RTEL1: variants seen among roughly 807,000 people sequenced by gnomAD.
RTEL1 encodes the protein regulator of telomere length.
In RTEL1, 86 loss-of-function variants were observed where a neutral mutation model predicts 162.2. The observed-to-expected ratio is 0.53, with a 90% CI of 0.45 to 0.63. The LOEUF is 0.63. RTEL1 is among the 30% of genes least tolerant of loss of function. The pLI is 0.00. For missense variants in RTEL1, 1,941 were observed against 1,750.2 expected, an observed-to-expected ratio of 1.11 and a Z score of -1.95; for synonymous variants, 958 against 717.9, an observed-to-expected ratio of 1.33 and a Z score of -5.35.
At position 63,667,490 on chromosome 20, in the gene RTEL1, C is replaced by T; in HGVS notation, c.636C>T (p.Ser212=). Residue 212 remains serine (S), a synonymous_variant, in exon 8 of 35, where the codon TCC becomes TCT. Coordinates refer to ENST00000360203, the MANE Select transcript of RTEL1 (RefSeq NM_001283009.2). ...SKHRVCPYYL[S]RNLKQQADII... is the part of the protein sequence containing the mutation. ...CCAGGGTGTGCCCTTACTACCTGTC[C>T]CGGAACCTGAAGCAGCAAGCCGACA... 2 of 1,613,920 alleles carry T rather than the reference C, an allele frequency of 1.2e-6. No individual in the cohort carries two copies. The highest frequency in any genetic ancestry group is 1.7e-6 in the Non-Finnish European group (2 of 1,179,826).
At position 63,695,406 on chromosome 20, in the gene RTEL1, T is replaced by C; in HGVS notation, c.3578T>C (p.Val1193Ala). 2 of 1,559,356 alleles carry C rather than the reference T, an allele frequency of 1.3e-6. No homozygotes were observed. Among genetic ancestry groups the C allele is most frequent in the Non-Finnish European group, 1.7e-6 (2 of 1,151,896 alleles). The part of the protein sequence containing the change: ...SFLRQRPAGT[V>A]GAGGEDAGPS... ...CTTAGACAGAGGCCAGCAGGGACTG[T>C]GGGGGCGGGCGGTGAGGATGCAGGT... Residue 1193 changes from valine to alanine, a missense_variant, in exon 34 of 35, where the codon GTG (valine) becomes GCG (alanine). Transcript: ENST00000360203.
intron 28 of RTEL1, 86 bp from the exon 29 acceptor site, chr20:63,692,719 G>A (rs905315666): frequency 4.5e-5 from 59 of 1,321,302 alleles, no homozygotes; most frequent in South Asian, 6.2e-5. Context: ...CCCAGGGAAC[G>A]CTCAATGTTC....
intron 28 of RTEL1, chr20:63,692,166 T>C: frequency 3.7e-6 from 1 of 271,554 alleles, no homozygotes; most frequent in Non-Finnish European, 7.1e-6. Flanking sequence ...TAGCCTTGGA[T>C]CAAAGAACGG....
At chr20:63,667,840 A>G (rs2090166235) in intron 8 of RTEL1, among the ~76,000 whole-genome samples, 1 of 151,908 alleles carries the variant, frequency 6.6e-6, no homozygotes, top group Admixed American at 6.6e-5. Context: ...TGATCCTGAC[A>G]GCTCAGGTTC....
In RTEL1 at chr20:63,661,386, G is replaced by A. The variant is rs146544609; in HGVS notation, c.191G>A (p.Arg64Gln). The change falls in exon 3 of 35, where the codon CGA (arginine) becomes CAA (glutamine). Residue 64 changes from arginine to glutamine, a missense_variant. Transcript: ENST00000360203. This position sits in a 1 kb window ranked among gnomAD's most constrained non-coding sequence, Gnocchi z 5.1. Reference sequence around the variant, plus strand: ...ACGCTGGCCTGGCGAGAACACCTCCGAGACGGCATCTCTGCCCGCAAGATT... The same window carrying A: ...ACGCTGGCCTGGCGAGAACACCTCCAAGACGGCATCTCTGCCCGCAAGATT... ...CTTLAWREHL[R>Q]DGISARKIAE... The A allele has an allele frequency of 1.1e-5, 18 of 1,613,766 alleles. No individual in the cohort carries two copies. Among genetic ancestry groups the A allele is most frequent in the Middle Eastern group, 1.7e-4 (1 of 5,990 alleles).
intron 10 of RTEL1, among the ~76,000 whole-genome samples, chr20:63,674,993 C>T (rs1172321526): frequency 2.6e-5 from 4 of 151,964 alleles, no homozygotes; most frequent in African/African-American, 7.3e-5. Context: ...CTGCAACCTC[C>T]GCCTCCTGGG....
In RTEL1 at chr20:63,695,709, G is replaced by A. The variant is rs983640091; in HGVS notation, c.3822+59G>A. On this transcript the variant is annotated intron_variant, in intron 34 of 34. Transcript: ENST00000360203. The stretch of plus-strand genomic sequence containing the variant: ...GTAGCCCCAGGTGATGGGCTGAGGG[G>A]GAAAGGGCAGGCCCTTGTCCTGGTG... The A allele has an allele frequency of 1.3e-5, 21 of 1,605,540 alleles. No individual in the cohort carries two copies. The South Asian group carries it at 1.6e-4, about 12-fold the overall frequency.
chr20:63,694,776 G>A lies in RTEL1; in HGVS notation c.3145G>A (p.Val1049Met). 1 of 1,611,230 alleles carries A rather than the reference G, an allele frequency of 6.2e-7. No individual in the cohort carries two copies. The highest frequency in any genetic ancestry group is 8.5e-7 in the Non-Finnish European group (1 of 1,179,252). ...CAGCCAACCACAGTGGGGGTCTGGA[G>A]TGCCCAGAGCAGGGAAGCAGGGCCA... is the stretch of plus-strand genomic sequence containing the variant. The part of the protein sequence containing the change: ...PGSQPQWGSG[V>M]PRAGKQGQHA... The change falls in exon 32 of 35, where the codon GTG becomes ATG. Residue 1049 changes from valine (V) to methionine (M), a missense_variant. Val to Met is a conservative substitution (Grantham distance 21). Transcript: ENST00000360203.
intron 10 of RTEL1, among the ~76,000 whole-genome samples, chr20:63,674,349 G>A (rs1230439684): frequency 6.6e-6 from 1 of 152,206 alleles, no homozygotes; most frequent in Admixed American, 6.5e-5. Flanking sequence ...TCAGGGTCCT[G>A]TAGCCTGTGG....
In RTEL1 at chr20:63,694,926, T is replaced by G. The variant is rs771667984; in HGVS notation, c.3295T>G (p.Leu1099Val). Residue 1099 changes from leucine to valine, a missense_variant, in exon 32 of 35, where the codon TTG becomes GTG. Transcript: ENST00000360203. ...CGACCTCGACAAGGTGCTGGCTGTG[T>G]TGGCCGCCCTGACCACTGCAAAGCC... ...DDDLDKVLAV[L>V]AALTTAKPED... 1.2e-6 allele frequency: 2 copies of G among 1,612,434 alleles called. No homozygotes were observed. The highest frequency in any genetic ancestry group is 1.7e-6 in the Non-Finnish European group (2 of 1,179,860).
rs541303211 is a variant in RTEL1 at position 63,681,518 on chromosome 20, C to T, written c.1191+799C>T. The T allele has an allele frequency of 2.5e-4, 245 of 984,886 alleles. No individual in the cohort carries two copies. In the African/African-American group the frequency reaches 3.7e-3, roughly 15 times the overall value. 61.0% of individuals were successfully genotyped at this position (984,886 alleles called of 1,614,324 possible). On this transcript the variant is annotated intron_variant, in intron 14 of 34. Coordinates refer to ENST00000360203, the MANE Select transcript of RTEL1 (RefSeq NM_001283009.2). The stretch of plus-strand genomic sequence containing the variant: ...TAGGCAGGGCTGCCCAGCGCTATGA[C>T]AGCTTCATGAGTGTCCATCTGGCCT...
At chr20:63,677,174 G>A (rs2090371817) in intron 10 of RTEL1, among the ~76,000 whole-genome samples, 3 of 152,318 alleles carry the variant, frequency 2.0e-5, no homozygotes, top group African/African-American at 7.2e-5. Context: ...TCTCCAAGAA[G>A]CCCTGCTTTC....
rs1361593761 is a variant in RTEL1, at chr20:63,691,816, G to C, written c.2631G>C (p.Lys877Asn). The C allele has an allele frequency of 6.2e-7, 1 of 1,611,618 alleles. No individual in the cohort carries two copies. The highest frequency in any genetic ancestry group is 8.5e-7 in the Non-Finnish European group (1 of 1,179,784). Residue 877 changes from lysine to asparagine, a missense_variant, in exon 28 of 35, where the codon AAG becomes AAC. Lys to Asn is a moderately conservative substitution (Grantham distance 94, BLOSUM62 0). Coordinates refer to ENST00000360203, the MANE Select transcript of RTEL1 (RefSeq NM_001283009.2). ...AAGAACCGCGAGGAGGGAGGAAGAA[G>C]ATCCGGCTGGTCAGCCACCCGGTGC... ...PAEEPRGGRK[K>N]IRLVSHPEEP...
intron 14 of RTEL1, chr20:63,682,366 G>A (rs1456129279): frequency 1.0e-6 from 1 of 985,140 alleles, no homozygotes; most frequent in Non-Finnish European, 1.2e-6. Context: ...CTATGGAGAA[G>A]ACTCCACACT....
intron 21 of RTEL1, 48 bp downstream of exon 21, chr20:63,688,653 C>T: frequency 6.5e-7 from 1 of 1,539,814 alleles, no homozygotes; most frequent in Non-Finnish European, 8.8e-7. Flanking sequence ...TCGTGCCTCC[C>T]CTGCCTCTCA....
intron 24 of RTEL1, 38 bp downstream of exon 24, chr20:63,689,903 C>G (rs2090687109): frequency 6.4e-7 from 1 of 1,574,072 alleles, no homozygotes; most frequent in Non-Finnish European, 8.6e-7. Flanking sequence ...CGCCAGGGGA[C>G]ACGCCCACAC....
chr20:63,676,170 C>T (rs1399028138), intron 10 of RTEL1, among the ~76,000 whole-genome samples: 4 of 152,206 alleles, frequency 2.6e-5, no homozygotes, highest in African/African-American at 9.6e-5. Flanking sequence ...CTGCAGCCTC[C>T]ACCTCTTGGG....
At chr20:63,678,912 C>G (rs903014020) in intron 12 of RTEL1, among the ~76,000 whole-genome samples, 1 of 152,036 alleles carries the variant, frequency 6.6e-6, no homozygotes, top group Admixed American at 6.6e-5. Flanking sequence ...ACACACACAC[C>G]CACGGAACAG....
rs1172418467 is a variant in RTEL1 at position 63,691,855 on chromosome 20, G to A, written c.2652+18G>A. 2 of 1,600,250 alleles carry A rather than the reference G, an allele frequency of 1.2e-6. No individual in the cohort carries two copies. Among genetic ancestry groups the A allele is most frequent in the Non-Finnish European group, 1.7e-6 (2 of 1,173,790 alleles). ...GCCACCCGGTGCGTGAGCTGTCCCT[G>A]CACCTGTGCCGACCACCATAGACAC... On this transcript the variant is annotated intron_variant, in intron 28 of 34. Coordinates refer to ENST00000360203, the MANE Select transcript of RTEL1 (RefSeq NM_001283009.2).
Sources: allele counts gnomAD v4.1 joint callset (sites outside exome capture counted in the v4.1 genomes callset), GRCh38; gene constraint gnomAD v4.1.1; non-coding constraint Gnocchi (gnomAD v3.1); transcripts MANE v1.5; gene names NCBI Gene and HGNC (gene_info 2026-07-23, HGNC 2026-07-21).